The following POF1B variants were observed in gnomAD, a reference collection of about 807,000 sequenced individuals.
The protein encoded by POF1B is POF1B actin binding protein.
POF1B carries 53 observed loss-of-function variants against 55.3 expected under a neutral mutation model. The ratio of observed to expected loss-of-function variants is 0.96; its 90% confidence interval spans 0.77 to 1.20. The LOEUF (loss-of-function observed/expected upper bound fraction) is 1.20. Ranked by LOEUF, POF1B falls within the 50% of genes most tolerant of loss-of-function variation. The pLI is 0.00. For missense variants in POF1B, 478 were observed against 420.5 expected (o/e 1.14, Z -1.20); for synonymous variants, 188 against 148.3 (o/e 1.27, Z -1.95).
intron 6 of POF1B, among the ~76,000 whole-genome samples, chrX:85,338,515 A>G (rs1289851044): frequency 1.8e-5 from 2 of 112,097 alleles, no homozygotes; most frequent in African/African-American, 3.2e-5. Context: ...GAATAATAAC[A>G]TTTGTAACAG....
rs151178783 is a variant in POF1B at position 85,290,974 on chromosome X, G to A, written c.1650-8657C>T. Among the ~76,000 whole-genome samples the A allele has an allele frequency of 2.8e-3, 311 of 111,862 alleles. 1 individual carries two copies. The highest frequency in any genetic ancestry group is 9.5e-3 in the African/African-American group (294 of 30,862). ...TTTGTCAATTTTCGCTTTTGTTGCC[G>A]TTGCTTTTGACATCTTGGTCATTAA... On this transcript the variant is annotated intron_variant, in intron 15 of 16. Transcript: ENST00000262753.
intron 13 of POF1B, among the ~76,000 whole-genome samples, 154 bp from the exon 14 acceptor site, chrX:85,304,625 G>A (rs1932531213): frequency 9.0e-6 from 1 of 111,249 alleles, no homozygotes; most frequent in East Asian, 2.8e-4. Context: ...TCATGAGTAT[G>A]TAATATGAAA....
intron 7 of POF1B, among the ~76,000 whole-genome samples, chrX:85,328,858 C>CA (rs536984482): frequency 3.9e-3 from 381 of 97,590 alleles, no homozygotes; most frequent in African/African-American, 0.011. Flanking sequence ...AACAAACAAA[C>CA]AAAAAAAAAA....
At chrX:85,291,526 G>A (rs1348589538) in intron 15 of POF1B, among the ~76,000 whole-genome samples, 2 of 112,151 alleles carry the variant, frequency 1.8e-5, no homozygotes, top group Admixed American at 9.4e-5. Context: ...GCTTTGTGCA[G>A]TATGGTCATT....
At chrX:85,365,300 G>A (rs1481382165) in intron 3 of POF1B, among the ~76,000 whole-genome samples, 1 of 112,137 alleles carries the variant, frequency 8.9e-6, no homozygotes, top group East Asian at 2.8e-4. Context: ...TGAAGAACAA[G>A]TGTGATCATT....
chrX:85,282,207 G>A lies in POF1B; in HGVS notation c.1760C>T (p.Thr587Ile). The A allele has an allele frequency of 8.4e-7, 1 of 1,184,794 alleles. No individual in the cohort carries two copies. The highest frequency in any genetic ancestry group is 1.1e-6 in the Non-Finnish European group (1 of 879,625). ...AAAATGCCCAAGTGAACTTACACAA[G>A]TGTATTTGTCTTCTGTTTTCTCAAT... ...IVIEKTEDKY[T>I]CP The change falls in exon 16 of 17, where the codon ACT (threonine) becomes ATT (isoleucine). Residue 587 changes from threonine to isoleucine, a missense_variant. Thr to Ile is a moderately conservative substitution (Grantham distance 89, BLOSUM62 -1). Transcript: ENST00000262753.
chrX:85,314,475 C>A lies in POF1B; in HGVS notation c.914G>T (p.Gly305Val). The A allele has an allele frequency of 8.4e-7, 1 of 1,197,471 alleles. No homozygotes were observed. The highest frequency in any genetic ancestry group is 1.1e-6 in the Non-Finnish European group (1 of 888,668). The change falls in exon 9 of 17, where the codon GGA becomes GTA. Residue 305 changes from glycine (G) to valine (V), a missense_variant. By Grantham distance (109) the Gly-to-Val change is moderately radical. Transcript: ENST00000262753. ...SEDIESLIPK[G>V]LSEFTKQQIR... ...TTGCTGTTTTGTAAACTCTGATAATCCTTTAGGAATCAATGATTCAATGTC... is the reference window on the plus strand; with the variant it reads ...TTGCTGTTTTGTAAACTCTGATAATACTTTAGGAATCAATGATTCAATGTC...
intron 4 of POF1B, among the ~76,000 whole-genome samples, chrX:85,353,318 C>G (rs1933425968): frequency 9.0e-6 from 1 of 110,564 alleles, no homozygotes; most frequent in African/African-American, 3.3e-5. Context: ...GTGAGAAGTC[C>G]TTACATGCTT....
Position 85,306,167 on chromosome X carries a change from G to A in POF1B, c.1317+14C>T. 1.7e-6 allele frequency: 2 copies of A among 1,176,142 alleles called. No individual in the cohort carries two copies. ...CTAAGGTAATACTGTATATTTAAAA[G>A]GAAGTTTTAATACCTGCATTCTAAG... On this transcript the variant is annotated intron_variant, in intron 12 of 16. Transcript: ENST00000262753.
At chrX:85,309,649 A>T (rs1468015089) in intron 9 of POF1B, among the ~76,000 whole-genome samples, 1 of 111,435 alleles carries the variant, frequency 9.0e-6, no homozygotes, top group African/African-American at 3.3e-5. Flanking sequence ...CCAAAGGACC[A>T]TGAAAGGGTC....
At chrX:85,319,950 A>G (rs2147915769) in intron 7 of POF1B, among the ~76,000 whole-genome samples, 1 of 107,378 alleles carries the variant, frequency 9.3e-6, no homozygotes, top group East Asian at 3.0e-4. Flanking sequence ...AATGATACCA[A>G]CTCTTCCTTA....
In POF1B at chrX:85,370,035, CAT is replaced by C. The variant is rs1455194522; in HGVS notation, c.283-2271_283-2270del. 2.7e-5 allele frequency among the ~76,000 whole-genome samples: 3 copies of C among 111,876 alleles called. No homozygotes were observed. In the Admixed American group the frequency reaches 2.9e-4, roughly 11 times the overall value. On this transcript the variant is annotated intron_variant, in intron 2 of 16. Coordinates refer to ENST00000262753, the MANE Select transcript of POF1B (RefSeq NM_024921.4). ...AATATGATGGCATTAGCAAATGAAA[CAT>C]AGCAAATCTTACTAGCCAACTGGAC... is the stretch of plus-strand genomic sequence containing the variant.
chrX:85,293,830 C>T (rs183542849), intron 15 of POF1B, among the ~76,000 whole-genome samples: 238 of 110,173 alleles, frequency 2.2e-3, no homozygotes, highest in Non-Finnish European at 4.1e-3. Flanking sequence ...AAAAATTAGC[C>T]GGGAGTGGTG....
intron 15 of POF1B, among the ~76,000 whole-genome samples, chrX:85,286,296 CAAAA>C (rs201836201): frequency 0.02 from 2,136 of 108,036 alleles, 85 homozygotes; most frequent in Admixed American, 0.12. Flanking sequence ...CTACAGCAAA[CAAAA>C]GAAAGAAGTA....
At chrX:85,324,393 G>C (rs1002746340) in intron 7 of POF1B, among the ~76,000 whole-genome samples, 1 of 110,954 alleles carries the variant, frequency 9.0e-6, no homozygotes, top group Non-Finnish European at 1.9e-5. Flanking sequence ...ATGTATCTTG[G>C]TGTGCCTGTG....
intron 5 of POF1B, among the ~76,000 whole-genome samples, chrX:85,351,028 A>AT (rs746265530): frequency 2.9e-4 from 32 of 111,864 alleles, no homozygotes; most frequent in Non-Finnish European, 4.7e-4. Flanking sequence ...TTAAATTATG[A>AT]TTTTTGTTGG....
intron 4 of POF1B, among the ~76,000 whole-genome samples, chrX:85,358,101 T>C (rs894093190): frequency 1.8e-5 from 2 of 110,977 alleles, no homozygotes; most frequent in Non-Finnish European, 3.8e-5. Flanking sequence ...AGATAGAGAG[T>C]GATGAATTAG....
intron 3 of POF1B, among the ~76,000 whole-genome samples, 171 bp from the exon 4 acceptor site, chrX:85,359,801 A>ATGTGT (rs1207611478): frequency 1.8e-5 from 2 of 111,364 alleles, no homozygotes; most frequent in African/African-American, 6.5e-5. Context: ...GTATAAAAGC[A>ATGTGT]TGTGTTCTGT....
intron 5 of POF1B, 107 bp downstream of exon 5, chrX:85,351,243 T>G (rs1160662862): frequency 4.4e-6 from 2 of 458,272 alleles, no homozygotes; most frequent in Non-Finnish European, 7.3e-6. Context: ...TTATAACTCA[T>G]GGTGGTCTTG....
Sources: allele counts gnomAD v4.1 joint callset (sites outside exome capture counted in the v4.1 genomes callset), GRCh38; gene constraint gnomAD v4.1.1; transcripts MANE v1.5; gene names NCBI Gene and HGNC (gene_info 2026-07-23, HGNC 2026-07-21).